FXR1: variants seen among roughly 807,000 people sequenced by gnomAD.
The protein encoded by FXR1 is FMR1 autosomal homolog 1.
In FXR1, 15 loss-of-function variants were observed where a neutral mutation model predicts 84.0. The ratio of observed to expected loss-of-function variants is 0.18; its 90% CI spans 0.12 to 0.27. The LOEUF is 0.27. FXR1 is among the 10% of genes least tolerant of loss of function. The pLI, the probability that FXR1 is intolerant of heterozygous loss-of-function variation, is 1.00. For missense variants in FXR1, 480 were observed against 774.4 expected, an observed-to-expected ratio of 0.62 and a Z score of 4.51; for synonymous variants, 245 against 250.7, an observed-to-expected ratio of 0.98 and a Z score of 0.21.
chr3:180,951,303 A>T lies in FXR1; in HGVS notation c.636A>T (p.Thr212=), dbSNP rs1318716168. 6.3e-7 allele frequency: 1 copy of T among 1,597,560 alleles called. No individual in the cohort carries two copies. Among genetic ancestry groups the T allele is most frequent in the Non-Finnish European group, 8.6e-7 (1 of 1,167,750 alleles). The change falls in exon 8 of 17, where the codon ACA becomes ACT. Residue 212 remains threonine, a synonymous_variant. Coordinates refer to ENST00000357559, the MANE Select transcript of FXR1 (RefSeq NM_005087.4). ...TAATTTTCCTTTTTTATTAGTGCAC[A>T]AAACAACTTGCAGCAGCTTTTCATG... is the stretch of plus-strand genomic sequence containing the variant. ...NEEATKHLEC[T]KQLAAAFHEE... is the part of the protein sequence containing the mutation.
chr3:180,923,471 A>G (rs1718812032), intron 1 of FXR1, among the ~76,000 whole-genome samples: 1 of 151,864 alleles, frequency 6.6e-6, no homozygotes, highest in South Asian at 2.1e-4. Context: ...GAGACCTTAC[A>G]GTGAAACCAC....
intron 10 of FXR1, among the ~76,000 whole-genome samples, chr3:180,960,154 A>T (rs1423915281): frequency 6.6e-6 from 1 of 152,224 alleles, no homozygotes; most frequent in Non-Finnish European, 1.5e-5. Flanking sequence ...GCCACTTTTT[A>T]AAAATCTTCT....
chr3:180,958,530 G>A (rs1711631202), intron 10 of FXR1, among the ~76,000 whole-genome samples: 1 of 152,078 alleles, frequency 6.6e-6, no homozygotes, highest in Non-Finnish European at 1.5e-5. Context: ...TAGAATAATG[G>A]CCTCCATCCA....
At chr3:180,927,678 A>C in intron 1 of FXR1, 1 of 526,658 alleles carries the variant, frequency 1.9e-6, no homozygotes, top group Non-Finnish European at 3.3e-6. Context: ...AAAAAAAATG[A>C]GTAGATCTTC....
At chr3:180,964,401 A>T (rs1712528000) in intron 13 of FXR1, among the ~76,000 whole-genome samples, 1 of 152,028 alleles carries the variant, frequency 6.6e-6, no homozygotes, top group Admixed American at 6.6e-5. Context: ...CTTTTGTGGG[A>T]AGTCGGCTTA....
At chr3:180,923,525 G>A (rs1034136092) in intron 1 of FXR1, among the ~76,000 whole-genome samples, 6 of 149,978 alleles carry the variant, frequency 4.0e-5, no homozygotes, top group African/African-American at 1.5e-4. Context: ...TTTTTTCCTT[G>A]CCCTGATAAG....
At chr3:180,968,321 C>G (rs1713101750) in intron 14 of FXR1, 67 bp downstream of exon 14, 1 of 1,104,832 alleles carries the variant, frequency 9.1e-7, no homozygotes, top group South Asian at 1.3e-5. Flanking sequence ...AAAGTTAATT[C>G]ATCTCCCAGG....
chr3:180,970,386 AT>A (rs1713388511), intron 15 of FXR1, 28 bp downstream of exon 15: 33 of 66,640 alleles, frequency 5.0e-4, no homozygotes, highest in African/African-American at 2.5e-3. Flanking sequence ...GAAGAGAAAT[AT>A]ATATATATAT....
intron 8 of FXR1, among the ~76,000 whole-genome samples, chr3:180,952,251 C>T (rs962120678): frequency 3.3e-5 from 5 of 152,146 alleles, no homozygotes; most frequent in Admixed American, 2.0e-4. Context: ...AGCCACCGTG[C>T]CTGGCCTGGA....
chr3:180,920,669 G>C (rs912208545), intron 1 of FXR1, among the ~76,000 whole-genome samples: 1 of 152,000 alleles, frequency 6.6e-6, no homozygotes, highest in African/African-American at 2.4e-5. Flanking sequence ...GCACCACCAC[G>C]CCCGGCTAAT....
At chr3:180,938,037 A>G (rs1720717730) in intron 3 of FXR1, among the ~76,000 whole-genome samples, 1 of 152,186 alleles carries the variant, frequency 6.6e-6, no homozygotes, top group African/African-American at 2.4e-5. Flanking sequence ...TTAGGACAGC[A>G]AACATTTTCG....
chr3:180,948,700 C>T, intron 5 of FXR1, 21 bp from the exon 6 acceptor site: 4 of 1,271,154 alleles, frequency 3.1e-6, no homozygotes, highest in Non-Finnish European at 4.6e-6. Context: ...AGTTCTTACA[C>T]ATAAATTGAT....
At chr3:180,952,872 G>A (rs185406386) in intron 8 of FXR1, among the ~76,000 whole-genome samples, 131 of 128,832 alleles carry the variant, frequency 1.0e-3, no homozygotes, top group East Asian at 7.7e-3. Context: ...CTACTCTGTT[G>A]CTCAGGCTGG....
At chr3:180,961,353 AAAAAAAAAAAAAAAGGT>A in intron 10 of FXR1, 98 bp from the exon 11 acceptor site, 1 of 446,356 alleles carries the variant, frequency 2.2e-6, no homozygotes, top group Non-Finnish European at 4.0e-6. Context: ...AAAAAAAAAA[AAAAAAAAAAAAAAAGGT>A]GTGTGTGTGT....
chr3:180,944,331 T>A (rs1040642769), intron 3 of FXR1, among the ~76,000 whole-genome samples: 2 of 152,088 alleles, frequency 1.3e-5, no homozygotes, highest in African/African-American at 4.8e-5. Flanking sequence ...TGGACCTTTT[T>A]TTTTTTTGAG....
In FXR1 at chr3:180,935,157, G is replaced by T. The variant is rs375255336; in HGVS notation, c.124G>T (p.Val42Phe). 4 of 1,580,034 alleles carry T rather than the reference G, an allele frequency of 2.5e-6. No individual in the cohort carries two copies. The highest frequency in any genetic ancestry group is 1.3e-5 in the African/African-American group (1 of 74,146). The change falls in exon 3 of 17, where the codon GTT becomes TTT. Residue 42 changes from valine (V) to phenylalanine (F), a missense_variant. Coordinates refer to ENST00000357559, the MANE Select transcript of FXR1 (RefSeq NM_005087.4). ...CTTCAGTTGGCAACCAGAACGCCAG[G>T]TTCCATTTAATGAAGTTAGATTACC... Reference protein sequence around the residue: ...FENNWQPERQVPFNEVRLPPP... With the variant: ...FENNWQPERQFPFNEVRLPPP...
chr3:180,981,485 C>G lies in FXR1; in HGVS notation c.*5193C>G, dbSNP rs545186215. ...ACAACCCATTATAGCTCACTTCTTA[C>G]CAACAAAGCAGTTTTTATACAGCAC... On this transcript the variant is annotated 3_prime_UTR_variant, in exon 17 of 17. Coordinates refer to ENST00000357559, the MANE Select transcript of FXR1 (RefSeq NM_005087.4). The G allele has an allele frequency of 6.6e-6, 1 of 152,036 alleles. No individual in the cohort carries two copies. The highest frequency in any genetic ancestry group is 1.5e-5 in the Non-Finnish European group (1 of 67,946). 9.4% of individuals were successfully genotyped at this position (152,036 alleles called of 1,614,324 possible).
intron 16 of FXR1, 72 bp from the exon 17 acceptor site, chr3:180,976,050 A>G (rs1256191349): frequency 8.7e-7 from 1 of 1,142,908 alleles, no homozygotes; most frequent in Non-Finnish European, 1.3e-6. Flanking sequence ...ATTAGTGTTT[A>G]TGTAGCTGTT....
In FXR1 at chr3:180,914,189, G is replaced by T. The variant is rs556134684; in HGVS notation, c.51+1453G>T. 2.6e-5 allele frequency among the ~76,000 whole-genome samples: 4 copies of T among 152,304 alleles called. No individual in the cohort carries two copies. In the South Asian group the frequency reaches 8.3e-4, roughly 32 times the overall value. On this transcript the variant is annotated intron_variant, in intron 1 of 16. Coordinates refer to ENST00000357559, the MANE Select transcript of FXR1 (RefSeq NM_005087.4). Reference sequence around the variant, plus strand: ...GTTCTCGGTTTAAGACTTGATGTCAGACCAATGACCTAGGTGAAATTTGAG... The same window carrying T: ...GTTCTCGGTTTAAGACTTGATGTCATACCAATGACCTAGGTGAAATTTGAG...
Sources: gnomAD v4.1 joint callset for allele counts (sites outside exome capture counted in the v4.1 genomes callset) on GRCh38, gnomAD v4.1.1 for gene constraint, MANE v1.5 for transcripts, NCBI Gene and HGNC (gene_info 2026-07-23, HGNC 2026-07-21) for gene names.